STOX2: variants seen among roughly 807,000 people sequenced by gnomAD.
STOX2 encodes storkhead box 2, also known as storkhead-box protein 2.
In STOX2, 28 loss-of-function variants were observed where a neutral mutation model predicts 60.9. The observed-to-expected ratio is 0.46, with a 90% CI of 0.34 to 0.63. The LOEUF (loss-of-function observed/expected upper bound fraction) is 0.63, where lower values mean the gene tolerates loss of function less well. STOX2 is among the 30% of genes least tolerant of loss of function. The pLI, the probability that STOX2 is intolerant of heterozygous loss-of-function variation, is 0.01. For synonymous variants in STOX2, 472 were observed against 463.9 expected (o/e 1.02, Z -0.22); for missense variants, 1,024 against 1,187.7 (o/e 0.86, Z 2.03).
chr4:183,887,586 C>T (rs1474044735), intron 1 of STOX2, among the ~76,000 whole-genome samples: 1 of 152,210 alleles, frequency 6.6e-6, no homozygotes, highest in Non-Finnish European at 1.5e-5. Context: ...CTCTTATTTA[C>T]TCTTCACACA....
chr4:183,968,947 G>A lies in STOX2; in HGVS notation c.167-32378G>A, dbSNP rs6835784. 9.4e-3 allele frequency among the ~76,000 whole-genome samples: 1,436 copies of A among 152,340 alleles called. 30 individuals carry two copies. The highest frequency in any genetic ancestry group is 0.033 in the African/African-American group (1,374 of 41,574). ...ACATATGACTTTAAGCTGTATAGGC[G>A]AGAATATTTTAGATTCTAGTGTAAA... is the stretch of plus-strand genomic sequence containing the variant. On this transcript the variant is annotated intron_variant, in intron 1 of 3. Transcript: ENST00000308497.
At chr4:183,829,460 G>C (rs1349377402) in intron 1 of STOX2, among the ~76,000 whole-genome samples, 2 of 152,136 alleles carry the variant, frequency 1.3e-5, no homozygotes, top group Non-Finnish European at 2.9e-5. Context: ...CCAGAATCTA[G>C]GGTACTGTTA....
In STOX2 at chr4:183,847,784, G is replaced by GT. The variant is rs368237313; in HGVS notation, c.364+49734dup. On this transcript the variant is annotated intron_variant, in intron 1 of 2. Coordinates refer to the STOX2 transcript ENST00000513034. ...AGTTCAGATTAAGTTGATTTTGACA[G>GT]TTTTTGTCCATTTATTAGCTGTTTC... Among the ~76,000 whole-genome samples, 268 of 152,278 alleles carry GT rather than the reference G, an allele frequency of 1.8e-3. 4 individuals are homozygous for GT. Among genetic ancestry groups the GT allele is most frequent in the African/African-American group, 6.2e-3 (256 of 41,556 alleles).
intron 1 of STOX2, among the ~76,000 whole-genome samples, chr4:183,975,434 C>G (rs55713442): frequency 0.11 from 17,040 of 152,084 alleles, 1,914 homozygotes; most frequent in African/African-American, 0.3. Flanking sequence ...TGATAAACCT[C>G]TAGCCAGATT....
In STOX2 at chr4:184,017,247, C is replaced by T; in HGVS notation, c.2744C>T (p.Pro915Leu). ...PTNEAEKLQK[P>L]SNCLQASVTS... Reference sequence around the variant, plus strand: ...AATGAAGCTGAGAAGCTACAGAAACCTTCCAACTGCTTGCAAGCTTCTGTT... The same window carrying T: ...AATGAAGCTGAGAAGCTACAGAAACTTTCCAACTGCTTGCAAGCTTCTGTT... Residue 915 changes from proline (P) to leucine (L), a missense_variant, in exon 4 of 4, where the codon CCT becomes CTT. Pro to Leu is a moderately conservative substitution (Grantham distance 98, BLOSUM62 -3). Around this residue, in one of 3 missense-constraint regions of STOX2, gnomAD observed 922 missense variants for 1,058.3 expected, o/e 0.87. Transcript: ENST00000308497. 1.9e-6 allele frequency: 3 copies of T among 1,603,390 alleles called. No homozygotes were observed. The highest frequency in any genetic ancestry group is 1.1e-5 in the South Asian group (1 of 88,966).
intron 1 of STOX2, among the ~76,000 whole-genome samples, chr4:183,883,842 A>C (rs1325204014): frequency 7.0e-6 from 1 of 143,820 alleles, no homozygotes; most frequent in African/African-American, 2.5e-5. Flanking sequence ...TTCCACCAAA[A>C]CTAGTAAATT....
intron 2 of STOX2, among the ~76,000 whole-genome samples, chr4:184,004,929 G>A (rs1178246963): frequency 1.3e-5 from 2 of 152,180 alleles, no homozygotes; most frequent in Non-Finnish European, 1.5e-5. Flanking sequence ...ATAAGTCCAG[G>A]TATGGAGCTG....
chr4:183,970,926 G>A (rs1579486984), intron 1 of STOX2, among the ~76,000 whole-genome samples: 1 of 152,100 alleles, frequency 6.6e-6, no homozygotes, highest in African/African-American at 2.4e-5. Flanking sequence ...AACTGCCCTC[G>A]CTATGACATA....
In STOX2 at chr4:183,825,608, G is replaced by T. The variant is rs1323403644; in HGVS notation, c.364+27553G>T. ...TGGGTGCAGCGCCCGACCCCTCCCTGCCCGTCCTCTGTGTCCCAGGACTCG... is the reference window on the plus strand; with the variant it reads ...TGGGTGCAGCGCCCGACCCCTCCCTTCCCGTCCTCTGTGTCCCAGGACTCG... On this transcript the variant is annotated intron_variant, in intron 1 of 2. Transcript: ENST00000513034. This position sits in a 1 kb window ranked among gnomAD's most constrained non-coding sequence, Gnocchi z 4.1. Among the ~76,000 whole-genome samples the T allele has an allele frequency of 6.6e-6, 1 of 152,170 alleles. No homozygotes were observed. The highest frequency in any genetic ancestry group is 1.5e-5 in the Non-Finnish European group (1 of 68,032).
intron 1 of STOX2, among the ~76,000 whole-genome samples, chr4:183,972,418 A>C (rs79787434): frequency 6.6e-6 from 1 of 152,240 alleles, no homozygotes; most frequent in Non-Finnish European, 1.5e-5. Flanking sequence ...GAGCTATTGC[A>C]TAAAATATTG....
intron 1 of STOX2, among the ~76,000 whole-genome samples, chr4:183,938,268 A>G (rs1373197129): frequency 1.2e-4 from 19 of 152,220 alleles, no homozygotes. Flanking sequence ...AAAACAAAAC[A>G]TAAAAGCATT....
intron 1 of STOX2, among the ~76,000 whole-genome samples, chr4:183,940,946 C>A (rs376619402): frequency 6.6e-6 from 1 of 152,118 alleles, no homozygotes; most frequent in Non-Finnish European, 1.5e-5. Context: ...CAGGCTGCCA[C>A]GAAAATGAAA....
chr4:183,996,637 T>C (rs933871489), intron 1 of STOX2, among the ~76,000 whole-genome samples: 1 of 152,194 alleles, frequency 6.6e-6, no homozygotes, highest in Non-Finnish European at 1.5e-5. Flanking sequence ...ACTTGAATAA[T>C]GTTTATGTTG....
intron 1 of STOX2, among the ~76,000 whole-genome samples, chr4:183,847,690 C>A (rs1740019341): frequency 6.6e-6 from 1 of 152,128 alleles, no homozygotes. Context: ...ATAAATCTCC[C>A]CTACTGAAAT....
intron 1 of STOX2, among the ~76,000 whole-genome samples, chr4:183,883,322 ATT>A (rs11458747): frequency 6.7e-6 from 1 of 148,228 alleles, no homozygotes; most frequent in Non-Finnish European, 1.5e-5. Flanking sequence ...CATGTTATAA[ATT>A]TTTTTTTTTT....
intron 1 of STOX2, among the ~76,000 whole-genome samples, chr4:183,828,172 T>G (rs1405802025): frequency 6.6e-6 from 1 of 152,218 alleles, no homozygotes; most frequent in Non-Finnish European, 1.5e-5. Context: ...TGCCCATGTT[T>G]GCAAGGCACG....
chr4:184,006,932 C>T (rs1165893812), intron 2 of STOX2, among the ~76,000 whole-genome samples: 4 of 138,244 alleles, frequency 2.9e-5, no homozygotes, highest in Non-Finnish European at 3.1e-5. Flanking sequence ...AGGAGAATGG[C>T]GTGAACCCAG....
At chr4:184,007,517 C>G (rs1733925725) in intron 2 of STOX2, among the ~76,000 whole-genome samples, 1 of 152,220 alleles carries the variant, frequency 6.6e-6, no homozygotes, top group Non-Finnish European at 1.5e-5. Flanking sequence ...AGCCCTGTGG[C>G]TACAGGTACT....
rs950645647 is a variant in STOX2, at chr4:183,819,421, C to T, written c.364+21366C>T. Among the ~76,000 whole-genome samples the T allele has an allele frequency of 4.6e-5, 7 of 151,860 alleles. No individual in the cohort carries two copies. In the East Asian group the frequency reaches 5.8e-4, roughly 13 times the overall value. On this transcript the variant is annotated intron_variant, in intron 1 of 2. Transcript: ENST00000513034. ...CCAGTCAGGCATGGCGGCGCGCGCC[C>T]ACAATCGCAGGCACTGGGCAGGTTG...
Sources: allele counts gnomAD v4.1 joint callset (sites outside exome capture counted in the v4.1 genomes callset), GRCh38; gene constraint gnomAD v4.1.1; regional missense constraint gnomAD v4.1.1; non-coding constraint Gnocchi (gnomAD v3.1); transcripts MANE v1.5; gene names NCBI Gene and HGNC (gene_info 2026-07-23, HGNC 2026-07-21).